The following LRRK2 variants were observed in gnomAD, a reference collection of about 807,000 sequenced individuals.
LRRK2 encodes the protein leucine-rich repeat serine/threonine-protein kinase 2.
In LRRK2, 203 loss-of-function variants were observed where a neutral mutation model predicts 302.6. That is an observed-to-expected ratio of 0.67 (90% CI 0.60 to 0.75). LRRK2 has a LOEUF of 0.75. Ranked by LOEUF, LRRK2 falls within the 30% of genes least tolerant of loss-of-function variation. The probability of loss-of-function intolerance (pLI) is 0.00; values close to 1 mark genes in which losing one functional copy is unlikely to be tolerated. For missense variants in LRRK2, 2,830 were observed against 2,951.0 expected, an observed-to-expected ratio of 0.96 and a Z score of 0.95; for synonymous variants, 1,066 against 1,031.9, an observed-to-expected ratio of 1.03 and a Z score of -0.63.
intron 13 of LRRK2, among the ~76,000 whole-genome samples, chr12:40,262,998 T>A (rs1199613150): frequency 6.6e-6 from 1 of 152,178 alleles, no homozygotes; most frequent in Non-Finnish European, 1.5e-5. Flanking sequence ...ATTAACAAAA[T>A]CCTTGGCATG....
intron 32 of LRRK2, 140 bp from the exon 33 acceptor site, chr12:40,315,072 C>A: frequency 1.4e-6 from 1 of 726,968 alleles, no homozygotes; most frequent in Admixed American, 2.0e-5. Context: ...GGATGCACAG[C>A]TTCTAGTCCC....
chr12:40,245,079 A>G (rs1477280045), intron 7 of LRRK2, among the ~76,000 whole-genome samples: 1 of 149,878 alleles, frequency 6.7e-6, no homozygotes, highest in East Asian at 1.9e-4. Flanking sequence ...CTTTTGTGAT[A>G]TAGTTAAATT....
At chr12:40,348,237 G>C (rs1394331916) in intron 42 of LRRK2, among the ~76,000 whole-genome samples, 172 bp from the exon 43 acceptor site, 2 of 152,074 alleles carry the variant, frequency 1.3e-5, no homozygotes, top group African/African-American at 4.8e-5. Context: ...TCTTAGTGGA[G>C]ATCAAGTTAA....
chr12:40,305,907 T>A lies in LRRK2; in HGVS notation c.3900T>A (p.Asp1300Glu), dbSNP rs765937594. 1 of 1,613,238 alleles carries A rather than the reference T, an allele frequency of 6.2e-7. No homozygotes were observed. The highest frequency in any genetic ancestry group is 8.5e-7 in the Non-Finnish European group (1 of 1,179,454). ...GCAAAATATGGGATCTTCCTTTGGA[T>A]GAACTGCATCTTAACTTTGATTTTA... ...KLSKIWDLPL[D>E]ELHLNFDFKH... Residue 1300 changes from aspartate to glutamate, a missense_variant, in exon 28 of 51, where the codon GAT (aspartate) becomes GAA (glutamate). Physicochemically the swap from Asp to Glu is conservative, Grantham distance 45. Transcript: ENST00000298910.
chr12:40,305,872 G>C lies in LRRK2; in HGVS notation c.3865G>C (p.Gly1289Arg). 6.2e-7 allele frequency: 1 copy of C among 1,613,408 alleles called. No homozygotes were observed. Among genetic ancestry groups the C allele is most frequent in the Non-Finnish European group, 8.5e-7 (1 of 1,179,584 alleles). ...ACTAAGATCCTTTCCCAATGAAATG[G>C]GGAAATTAAGCAAAATATGGGATCT... ...LELRSFPNEM[G>R]KLSKIWDLPL... The change falls in exon 28 of 51, where the codon GGG becomes CGG. Residue 1289 changes from glycine to arginine, a missense_variant. By Grantham distance (125) the Gly-to-Arg change is moderately radical (BLOSUM62 -2). Transcript: ENST00000298910.
chr12:40,281,792 C>G (rs764097423), intron 18 of LRRK2, among the ~76,000 whole-genome samples: 25 of 152,316 alleles, frequency 1.6e-4, no homozygotes, highest in Non-Finnish European at 3.2e-4. Context: ...ATTCCTTCCA[C>G]AAACATGTGC....
chr12:40,243,538 C>G lies in LRRK2; in HGVS notation c.707-12C>G, dbSNP rs934195996. The G allele has an allele frequency of 6.2e-7, 1 of 1,609,954 alleles. No individual in the cohort carries two copies. Among genetic ancestry groups the G allele is most frequent in the Admixed American group, 1.7e-5 (1 of 59,852 alleles). The stretch of plus-strand genomic sequence containing the variant: ...GTTACCTTATTGATAATTATGATCT[C>G]TTTAAATTCAGGCAATAATGTGGAA... On this transcript the variant is annotated splice_polypyrimidine_tract_variant and intron_variant, in intron 6 of 50. Transcript: ENST00000298910.
chr12:40,308,554 C>A lies in LRRK2; in HGVS notation c.4047C>A (p.Thr1349=). 1 of 1,613,982 alleles carries A rather than the reference C, an allele frequency of 6.2e-7. No homozygotes were observed. The highest frequency in any genetic ancestry group is 2.2e-5 in the East Asian group (1 of 44,852). Residue 1349 remains threonine, a synonymous_variant, in exon 29 of 51, where the codon ACC becomes ACA. Coordinates refer to ENST00000298910, the MANE Select transcript of LRRK2 (RefSeq NM_198578.4). ...GAAATACTGGGAGTGGTAAAACCAC[C>A]TTATTGCAGCAATTAATGAAAACCA... ...IVGNTGSGKT[T]LLQQLMKTKK...
intron 19 of LRRK2, 84 bp downstream of exon 19, chr12:40,284,217 GC>G: frequency 7.9e-7 from 1 of 1,268,218 alleles, no homozygotes; most frequent in Non-Finnish European, 1.1e-6. Context: ...GGTTATTCAT[GC>G]CAGTTTGAGG....
chr12:40,245,549 G>A (rs945022053), intron 7 of LRRK2, among the ~76,000 whole-genome samples: 3 of 151,938 alleles, frequency 2.0e-5, no homozygotes, highest in Non-Finnish European at 2.9e-5. Flanking sequence ...ACTATTCCAT[G>A]CAAATTACAG....
chr12:40,225,480 C>T lies in LRRK2; in HGVS notation c.152-75C>T, dbSNP rs775690182. 13 of 1,390,534 alleles carry T rather than the reference C, an allele frequency of 9.3e-6. No homozygotes were observed. In the African/African-American group the frequency reaches 9.9e-5, roughly 11 times the overall value. The allele number at this position is 1,390,534 out of a possible 1,614,324, so 86.1% of individuals were successfully genotyped here. A position where few individuals can be genotyped will look rare whatever the true frequency, so the allele number is the denominator to read the frequency against. ...TCTTCACCTTTTTGACTTTTCTCCC[C>T]GTTTCAGACTAAAAAGGAGAGGGGG... is the stretch of plus-strand genomic sequence containing the variant. On this transcript the variant is annotated intron_variant, in intron 1 of 50. Coordinates refer to ENST00000298910, the MANE Select transcript of LRRK2 (RefSeq NM_198578.4).
intron 39 of LRRK2, among the ~76,000 whole-genome samples, chr12:40,333,056 T>C (rs903602356): frequency 6.6e-6 from 1 of 152,144 alleles, no homozygotes; most frequent in African/African-American, 2.4e-5. Context: ...TATATTATAC[T>C]GTACTATTAC....
chr12:40,292,039 A>G (rs1207277973), intron 20 of LRRK2, among the ~76,000 whole-genome samples: 1 of 152,108 alleles, frequency 6.6e-6, no homozygotes, highest in Non-Finnish European at 1.5e-5. Flanking sequence ...GATCTTCCAG[A>G]AACCCATATG....
At chr12:40,240,431 A>C in intron 5 of LRRK2, 52 bp from the exon 6 acceptor site, 1 of 1,529,626 alleles carries the variant, frequency 6.5e-7, no homozygotes, top group East Asian at 2.3e-5. Context: ...TGAATAATTA[A>C]ACTTTCATAT....
intron 39 of LRRK2, among the ~76,000 whole-genome samples, chr12:40,334,765 T>G (rs890807185): frequency 6.6e-6 from 1 of 152,048 alleles, no homozygotes; most frequent in African/African-American, 2.4e-5. Context: ...TCCCATGTTG[T>G]CCATAGGTCA....
At chr12:40,325,772 A>T (rs1945529349) in intron 38 of LRRK2, among the ~76,000 whole-genome samples, 1 of 152,204 alleles carries the variant, frequency 6.6e-6, no homozygotes, top group Non-Finnish European at 1.5e-5. Context: ...CAATGCATTC[A>T]GGCTTTTGGT....
At chr12:40,241,350 G>A (rs1169877104) in intron 6 of LRRK2, among the ~76,000 whole-genome samples, 3 of 152,132 alleles carry the variant, frequency 2.0e-5, no homozygotes, top group Non-Finnish European at 4.4e-5. Flanking sequence ...ATTTTAATGA[G>A]GCTTTGAAAT....
chr12:40,262,095 T>A (rs541168118), intron 13 of LRRK2, among the ~76,000 whole-genome samples: 1 of 151,678 alleles, frequency 6.6e-6, no homozygotes, highest in East Asian at 1.9e-4. Context: ...TAGAGGAGAG[T>A]GATTAGGGAG....
rs559696299 is a variant in LRRK2, at chr12:40,357,586, C to T, written c.6843+1399C>T. Among the ~76,000 whole-genome samples the T allele has an allele frequency of 5.9e-5, 9 of 152,122 alleles. No individual in the cohort carries two copies. The East Asian group carries it at 7.8e-4, about 13-fold the overall frequency. ...TAGCATATGGGCATTCGTTTTTTTC[C>T]GCATCCTTGCCAGCATGTTATTTTT... On this transcript the variant is annotated intron_variant, in intron 46 of 50. Coordinates refer to ENST00000298910, the MANE Select transcript of LRRK2 (RefSeq NM_198578.4).
Sources: gnomAD v4.1 joint callset for allele counts (sites outside exome capture counted in the v4.1 genomes callset) on GRCh38, gnomAD v4.1.1 for gene constraint, MANE v1.5 for transcripts, NCBI Gene and HGNC (gene_info 2026-07-23, HGNC 2026-07-21) for gene names.